The following TRERF1 variants were observed in gnomAD, a reference collection of about 807,000 sequenced individuals.
TRERF1 encodes the protein transcriptional regulating factor 1, also known as transcriptional-regulating factor 1.
TRERF1 carries 27 observed loss-of-function variants against 122.9 expected under a neutral mutation model. The ratio of observed to expected loss-of-function variants is 0.22; its 90% CI spans 0.16 to 0.30. TRERF1 has a LOEUF of 0.30. Ranked by LOEUF, TRERF1 falls within the 10% of genes least tolerant of loss-of-function variation. The probability of loss-of-function intolerance (pLI) is 1.00; values close to 1 mark genes in which losing one functional copy is unlikely to be tolerated. For missense variants in TRERF1, 1,248 were observed against 1,560.3 expected (o/e 0.80, Z 3.37); for synonymous variants, 636 against 641.7 (o/e 0.99, Z 0.13).
chr6:42,402,621 A>G (rs748667497), intron 2 of TRERF1, among the ~76,000 whole-genome samples: 3 of 152,200 alleles, frequency 2.0e-5, no homozygotes, highest in Non-Finnish European at 4.4e-5. Context: ...GGTTATTACC[A>G]AATGTCTACC....
At chr6:42,318,517 C>T (rs760974219) in intron 3 of TRERF1, among the ~76,000 whole-genome samples, 2 of 152,186 alleles carry the variant, frequency 1.3e-5, no homozygotes, top group Non-Finnish European at 2.9e-5. Flanking sequence ...GAGGAAGCTC[C>T]AGGCTCTAGT....
chr6:42,265,167 T>A (rs187712922), intron 6 of TRERF1, among the ~76,000 whole-genome samples: 239 of 152,324 alleles, frequency 1.6e-3, no homozygotes, highest in African/African-American at 4.5e-3. Flanking sequence ...CCTTCCAGGG[T>A]CAGCCTGAGC....
intron 2 of TRERF1, among the ~76,000 whole-genome samples, chr6:42,386,778 T>C (rs1776890802): frequency 6.6e-6 from 1 of 152,198 alleles, no homozygotes; most frequent in Admixed American, 6.5e-5. Flanking sequence ...CAGAAGGATG[T>C]TCTTCTCACA....
At chr6:42,390,942 G>A (rs1416608614) in intron 2 of TRERF1, among the ~76,000 whole-genome samples, 3 of 152,152 alleles carry the variant, frequency 2.0e-5, no homozygotes, top group Admixed American at 2.0e-4. Context: ...ACTCCAGGGA[G>A]GGATCACCAC....
intron 2 of TRERF1, among the ~76,000 whole-genome samples, chr6:42,378,174 G>C (rs1004754885): frequency 6.6e-6 from 1 of 152,078 alleles, no homozygotes; most frequent in Non-Finnish European, 1.5e-5. Context: ...AAGCGGATGA[G>C]GGGTACCAGC....
chr6:42,441,972 T>C (rs777869918), intron 2 of TRERF1, among the ~76,000 whole-genome samples: 1 of 152,112 alleles, frequency 6.6e-6, no homozygotes, highest in Non-Finnish European at 1.5e-5. Context: ...TTTGCGAGGT[T>C]TGAATTCCAT....
chr6:42,424,064 T>C (rs1432993532), intron 2 of TRERF1, among the ~76,000 whole-genome samples: 1 of 152,256 alleles, frequency 6.6e-6, no homozygotes, highest in Non-Finnish European at 1.5e-5. Context: ...TAGATGTTGT[T>C]CATTCATTTT....
At chr6:42,303,780 G>T (rs1348856408) in intron 3 of TRERF1, among the ~76,000 whole-genome samples, 1 of 151,916 alleles carries the variant, frequency 6.6e-6, no homozygotes, top group African/African-American at 2.4e-5. Context: ...GCCAGGTGTG[G>T]TGGTTTGTGT....
intron 4 of TRERF1, among the ~76,000 whole-genome samples, chr6:42,284,459 A>G (rs1782840931): frequency 6.6e-6 from 1 of 152,232 alleles, no homozygotes; most frequent in Non-Finnish European, 1.5e-5. Flanking sequence ...AGCATTCAAC[A>G]GTGAAAAATG....
chr6:42,333,382 G>T (rs1765569165), intron 3 of TRERF1, among the ~76,000 whole-genome samples: 1 of 152,172 alleles, frequency 6.6e-6, no homozygotes, highest in South Asian at 2.1e-4. Context: ...GCCTCTTCAT[G>T]AGACATGAGT....
chr6:42,345,775 G>C (rs1195696661), intron 3 of TRERF1, among the ~76,000 whole-genome samples: 1 of 152,178 alleles, frequency 6.6e-6, no homozygotes, highest in Non-Finnish European at 1.5e-5. Flanking sequence ...CCTAGGCCTG[G>C]CTTGGGGCAC....
intron 4 of TRERF1, among the ~76,000 whole-genome samples, chr6:42,289,146 A>G (rs1007298135): frequency 5.3e-5 from 8 of 152,066 alleles, no homozygotes; most frequent in African/African-American, 1.9e-4. Context: ...CAACATGGTG[A>G]AACCCCATCT....
chr6:42,361,480 C>T (rs1344061246), intron 3 of TRERF1, among the ~76,000 whole-genome samples: 1 of 151,920 alleles, frequency 6.6e-6, no homozygotes, highest in Non-Finnish European at 1.5e-5. Context: ...TTGTTTTTCC[C>T]GAGAAAATGT....
intron 2 of TRERF1, among the ~76,000 whole-genome samples, chr6:42,412,917 G>T (rs1385830901): frequency 6.6e-6 from 1 of 152,146 alleles, no homozygotes; most frequent in Non-Finnish European, 1.5e-5. Flanking sequence ...CTATGGCTGT[G>T]CCATTGTACT....
intron 13 of TRERF1, among the ~76,000 whole-genome samples, chr6:42,254,395 C>T (rs1042535271): frequency 3.3e-5 from 5 of 152,160 alleles, no homozygotes; most frequent in African/African-American, 1.2e-4. Context: ...CATTGGGCTA[C>T]ATATACCATC....
chr6:42,335,956 T>TA (rs1429803568), intron 3 of TRERF1, among the ~76,000 whole-genome samples: 1 of 152,266 alleles, frequency 6.6e-6, no homozygotes, highest in African/African-American at 2.4e-5. Context: ...GGGGATATTT[T>TA]ACATTTGTGC....
At chr6:42,358,374 C>T (rs1771008263) in intron 3 of TRERF1, among the ~76,000 whole-genome samples, 1 of 152,176 alleles carries the variant, frequency 6.6e-6, no homozygotes, top group African/African-American at 2.4e-5. Context: ...TTTCCCCCAA[C>T]TTTAACTTAT....
chr6:42,405,508 A>T (rs1780037975), intron 2 of TRERF1, among the ~76,000 whole-genome samples: 1 of 152,216 alleles, frequency 6.6e-6, no homozygotes, highest in African/African-American at 2.4e-5. Flanking sequence ...AACTGAAAAT[A>T]GACGGGTCTG....
intron 5 of TRERF1, among the ~76,000 whole-genome samples, chr6:42,267,739 G>T (rs1174170725): frequency 6.6e-6 from 1 of 152,232 alleles, no homozygotes; most frequent in Non-Finnish European, 1.5e-5. Context: ...GCTGTTCTGA[G>T]CAATATACTT....
Sources: gnomAD v4.1 joint callset for allele counts (sites outside exome capture counted in the v4.1 genomes callset) on GRCh38, gnomAD v4.1.1 for gene constraint, MANE v1.5 for transcripts, NCBI Gene and HGNC (gene_info 2026-07-23, HGNC 2026-07-21) for gene names.